The following NDUFAF2 variants were observed in gnomAD, a reference collection of about 807,000 sequenced individuals.
NDUFAF2 encodes the protein NADH dehydrogenase [ubiquinone] 1 alpha subcomplex assembly factor 2.
In NDUFAF2, 13 loss-of-function variants were observed where a neutral mutation model predicts 22.8. That is an observed-to-expected ratio of 0.57 (90% CI 0.37 to 0.91). The LOEUF (loss-of-function observed/expected upper bound fraction) is 0.91, where lower values mean the gene tolerates loss of function less well. Among genes scored for constraint, NDUFAF2 ranks in the 40% least tolerant of loss-of-function variants. The pLI, the probability that NDUFAF2 is intolerant of heterozygous loss-of-function variation, is 0.01. For missense variants in NDUFAF2, 162 were observed against 195.2 expected (o/e 0.83, Z 1.01); for synonymous variants, 53 against 64.2 (o/e 0.83, Z 0.84).
intron 3 of NDUFAF2, among the ~76,000 whole-genome samples, chr5:61,144,390 T>C (rs1168334603): frequency 1.3e-5 from 2 of 152,204 alleles, no homozygotes; most frequent in East Asian, 3.8e-4. Context: ...ATTTTACATA[T>C]CTTAAATTAA....
intron 1 of NDUFAF2, among the ~76,000 whole-genome samples, chr5:61,062,081 C>T (rs1043037185): frequency 1.3e-5 from 2 of 152,274 alleles, no homozygotes; most frequent in South Asian, 4.1e-4. Context: ...AAAAACCACT[C>T]TGTAAAGTTT....
chr5:61,057,944 A>G (rs1480197717), intron 1 of NDUFAF2, among the ~76,000 whole-genome samples: 1 of 152,204 alleles, frequency 6.6e-6, no homozygotes, highest in African/African-American at 2.4e-5. Flanking sequence ...ATGGATTAAT[A>G]AATATAATTT....
chr5:61,117,727 G>A (rs911733193), intron 3 of NDUFAF2, among the ~76,000 whole-genome samples: 13 of 152,062 alleles, frequency 8.5e-5, no homozygotes, highest in Admixed American at 2.0e-4. Context: ...ATATGGATGA[G>A]CAGTGGCAAT....
chr5:60,985,018 T>G (rs1390568630), intron 1 of NDUFAF2, among the ~76,000 whole-genome samples: 1 of 152,240 alleles, frequency 6.6e-6, no homozygotes, highest in African/African-American at 2.4e-5. Context: ...TGAATTCGTC[T>G]GGTCCTGGAC....
intron 1 of NDUFAF2, among the ~76,000 whole-genome samples, chr5:60,976,470 A>G (rs571442879): frequency 4.6e-5 from 7 of 152,200 alleles, no homozygotes; most frequent in Admixed American, 6.5e-5. Flanking sequence ...TCCTTAACAT[A>G]TAGCTGATAT....
chr5:61,133,109 A>C (rs188428630), intron 3 of NDUFAF2, among the ~76,000 whole-genome samples: 7 of 152,046 alleles, frequency 4.6e-5, no homozygotes, highest in Admixed American at 3.3e-4. Context: ...GATGTAAGCA[A>C]CCTCTTTCCA....
chr5:61,020,384 G>C (rs1157122746), intron 1 of NDUFAF2, among the ~76,000 whole-genome samples: 2 of 151,842 alleles, frequency 1.3e-5, no homozygotes, highest in Non-Finnish European at 2.9e-5. Context: ...TTTGTTTTCT[G>C]TTATAAACAG....
intron 1 of NDUFAF2, among the ~76,000 whole-genome samples, chr5:61,033,765 T>C (rs1236768433): frequency 6.6e-6 from 1 of 152,122 alleles, no homozygotes; most frequent in Non-Finnish European, 1.5e-5. Flanking sequence ...ACCGAAGCTG[T>C]ACTAAGATGA....
intron 1 of NDUFAF2, among the ~76,000 whole-genome samples, chr5:60,949,115 A>G (rs1252034999): frequency 6.6e-6 from 1 of 152,190 alleles, no homozygotes; most frequent in African/African-American, 2.4e-5. Flanking sequence ...ATAAATTTGA[A>G]CACATGTGAT....
intron 1 of NDUFAF2, among the ~76,000 whole-genome samples, chr5:60,959,732 A>C (rs559602179): frequency 1.5e-4 from 23 of 152,194 alleles, no homozygotes; most frequent in Non-Finnish European, 2.8e-4. Flanking sequence ...AGTAATTTAA[A>C]AGTTTTTATA....
At chr5:61,028,909 C>G (rs1289993538) in intron 1 of NDUFAF2, among the ~76,000 whole-genome samples, 3 of 152,040 alleles carry the variant, frequency 2.0e-5, no homozygotes, top group Non-Finnish European at 2.9e-5. Context: ...TTTAATCCAT[C>G]TGTCATCTAT....
intron 3 of NDUFAF2, among the ~76,000 whole-genome samples, chr5:61,100,847 G>A (rs1019639003): frequency 2.6e-5 from 4 of 152,042 alleles, no homozygotes; most frequent in Admixed American, 2.6e-4. Context: ...TAATCCATGT[G>A]TATTTCTCTG....
intron 1 of NDUFAF2, among the ~76,000 whole-genome samples, chr5:61,024,211 A>G (rs1215619143): frequency 6.6e-6 from 1 of 151,914 alleles, no homozygotes; most frequent in East Asian, 1.9e-4. Flanking sequence ...TTTTAAGGAT[A>G]TTGGTTGATT....
chr5:61,037,513 G>A (rs1273634084), intron 1 of NDUFAF2, among the ~76,000 whole-genome samples: 1 of 152,124 alleles, frequency 6.6e-6, no homozygotes, highest in African/African-American at 2.4e-5. Flanking sequence ...TCTGGGAGAG[G>A]TTACAAGGTG....
At chr5:60,961,224 C>G (rs1473070455) in intron 1 of NDUFAF2, among the ~76,000 whole-genome samples, 4 of 152,086 alleles carry the variant, frequency 2.6e-5, no homozygotes, top group African/African-American at 9.7e-5. Flanking sequence ...CTTTGGGAGG[C>G]CAAGGCGGGT....
chr5:61,007,398 G>T lies in NDUFAF2; in HGVS notation c.127+62016G>T, dbSNP rs190386591. Among the ~76,000 whole-genome samples, 426 of 152,098 alleles carry T rather than the reference G, an allele frequency of 2.8e-3. 3 individuals are homozygous for T. Among genetic ancestry groups the T allele is most frequent in the African/African-American group, 0.01 (418 of 41,504 alleles). Reference sequence around the variant, plus strand: ...AATCCTTTCCCCATCTCTTGTTTTTGTCAGGTTTCTCAAAGATCAGATAGT... The same window carrying T: ...AATCCTTTCCCCATCTCTTGTTTTTTTCAGGTTTCTCAAAGATCAGATAGT... On this transcript the variant is annotated intron_variant, in intron 1 of 3. Transcript: ENST00000296597.
At chr5:60,955,663 A>G (rs1750606006) in intron 1 of NDUFAF2, among the ~76,000 whole-genome samples, 1 of 152,164 alleles carries the variant, frequency 6.6e-6, no homozygotes, top group Non-Finnish European at 1.5e-5. Context: ...TTTGGGTAGT[A>G]TGAGCACTTT....
chr5:61,045,733 A>G (rs1751946061), intron 1 of NDUFAF2, among the ~76,000 whole-genome samples: 2 of 152,108 alleles, frequency 1.3e-5, no homozygotes, highest in Admixed American at 1.3e-4. Context: ...TGGAGTCTTT[A>G]GGATTTTTTA....
chr5:60,975,848 T>C (rs1290497372), intron 1 of NDUFAF2, among the ~76,000 whole-genome samples: 1 of 152,198 alleles, frequency 6.6e-6, no homozygotes, highest in African/African-American at 2.4e-5. Flanking sequence ...ATGCTACTGA[T>C]AGTTCAAGTA....
Sources: gnomAD v4.1 joint callset for allele counts (sites outside exome capture counted in the v4.1 genomes callset) on GRCh38, gnomAD v4.1.1 for gene constraint, MANE v1.5 for transcripts, NCBI Gene and HGNC (gene_info 2026-07-23, HGNC 2026-07-21) for gene names.